The following PDE1A variants were observed in gnomAD, a reference collection of about 807,000 sequenced individuals.
PDE1A encodes phosphodiesterase 1A, also known as dual specificity calcium/calmodulin-dependent 3',5'-cyclic nucleotide phosphodiesterase 1A.
A neutral mutation model predicts 61.7 loss-of-function variants in PDE1A; 35 were observed. That is an observed-to-expected ratio of 0.57 (90% confidence interval 0.43 to 0.75). The LOEUF is 0.75. PDE1A is among the 30% of genes least tolerant of loss of function. The pLI, the probability that PDE1A is intolerant of heterozygous loss-of-function variation, is 0.00. For missense variants in PDE1A, 597 were observed against 630.6 expected, an observed-to-expected ratio of 0.95 and a Z score of 0.57; for synonymous variants, 232 against 213.2, an observed-to-expected ratio of 1.09 and a Z score of -0.77.
At chr2:182,456,448 T>A (rs183308646) in intron 2 of PDE1A, among the ~76,000 whole-genome samples, 37 of 152,232 alleles carry the variant, frequency 2.4e-4, no homozygotes, top group African/African-American at 8.7e-4. Flanking sequence ...AACTTACCCA[T>A]ATAAATTTTT....
chr2:182,502,064 TCCTC>T (rs1389659385), intron 2 of PDE1A, among the ~76,000 whole-genome samples: 1 of 152,152 alleles, frequency 6.6e-6, no homozygotes, highest in Non-Finnish European at 1.5e-5. Flanking sequence ...CCACCTCCTG[TCCTC>T]AGCCACACTC....
chr2:182,577,442 G>A, the PDE1A span, among the ~76,000 whole-genome samples: 102 of 152,258 alleles, frequency 6.7e-4, no homozygotes, highest in African/African-American at 2.3e-3. Context: ...GGCAAAGCTC[G>A]GACAGCCAGA....
the PDE1A span, among the ~76,000 whole-genome samples, chr2:182,707,795 A>T: frequency 6.6e-6 from 1 of 152,154 alleles, no homozygotes; most frequent in Non-Finnish European, 1.5e-5. Context: ...CATTACCCCC[A>T]TATCAAAAGT....
At chr2:182,418,488 A>G (rs954577332) in intron 1 of PDE1A, among the ~76,000 whole-genome samples, 15 of 152,076 alleles carry the variant, frequency 9.9e-5, no homozygotes, top group South Asian at 6.2e-4. Context: ...ATTCATATAT[A>G]TTTTTTTCCT....
the PDE1A span, among the ~76,000 whole-genome samples, chr2:182,585,641 T>C: frequency 1.3e-5 from 2 of 152,170 alleles, no homozygotes; most frequent in East Asian, 3.8e-4. Context: ...CAAGAACAGA[T>C]AATAACACAA....
the PDE1A span, among the ~76,000 whole-genome samples, chr2:182,542,274 C>T: frequency 1.3e-5 from 2 of 152,046 alleles, no homozygotes; most frequent in South Asian, 2.1e-4. Context: ...TTCTAAACTA[C>T]GCTCAATTTC....
At chr2:182,162,295 T>C (rs1691426749) in intron 13 of PDE1A, among the ~76,000 whole-genome samples, 1 of 152,154 alleles carries the variant, frequency 6.6e-6, no homozygotes, top group Non-Finnish European at 1.5e-5. Flanking sequence ...GCGTAGTTAC[T>C]GGAATTAACA....
chr2:182,230,482 AT>A (rs1055050706), intron 5 of PDE1A, among the ~76,000 whole-genome samples: 12 of 152,120 alleles, frequency 7.9e-5, no homozygotes, highest in African/African-American at 2.7e-4. Context: ...TAGTTTTTCT[AT>A]CTTAATACAA....
the PDE1A span, among the ~76,000 whole-genome samples, chr2:182,544,680 T>C: frequency 6.6e-6 from 1 of 152,194 alleles, no homozygotes; most frequent in African/African-American, 2.4e-5. Flanking sequence ...CCCATTAAAA[T>C]GTAGTATGCA....
chr2:182,583,375 T>C, the PDE1A span, among the ~76,000 whole-genome samples: 12,810 of 152,290 alleles, frequency 0.084, 1,733 homozygotes, highest in African/African-American at 0.29. Flanking sequence ...ACTATTTATC[T>C]GAAACATCTG....
rs146585406 is a variant in PDE1A at position 182,243,290 on chromosome 2, T to C, written c.168-2998A>G. 8.5e-3 allele frequency among the ~76,000 whole-genome samples: 1,301 copies of C among 152,276 alleles called. 15 individuals carry two copies. Among genetic ancestry groups the C allele is most frequent in the South Asian group, 0.05 (243 of 4,826 alleles). On this transcript the variant is annotated intron_variant, in intron 2 of 13. Transcript: ENST00000351439. ...AGAAAGACTAAAAATAAAATAAGAA[T>C]TATGATATAAGGTTAATTATGAGAG...
the PDE1A span, among the ~76,000 whole-genome samples, chr2:182,566,322 G>C: frequency 6.6e-6 from 1 of 151,628 alleles, no homozygotes; most frequent in African/African-American, 2.4e-5. Context: ...TTCTAATACT[G>C]TAATTTTTAA....
chr2:182,309,083 T>C (rs777412565), intron 1 of PDE1A, among the ~76,000 whole-genome samples: 4 of 151,646 alleles, frequency 2.6e-5, no homozygotes, highest in Non-Finnish European at 5.9e-5. Context: ...AGTTTGCAAA[T>C]TAACCTAAGA....
chr2:182,632,519 C>G, the PDE1A span, among the ~76,000 whole-genome samples: 1 of 151,948 alleles, frequency 6.6e-6, no homozygotes, highest in African/African-American at 2.4e-5. Context: ...TCTCCCTTAG[C>G]AAGAAGATAG....
At chr2:182,569,330 C>G in the PDE1A span, among the ~76,000 whole-genome samples, 2 of 151,600 alleles carry the variant, frequency 1.3e-5, no homozygotes, top group Middle Eastern at 3.4e-3. Flanking sequence ...AACATTAGCT[C>G]TGACCTACAA....
intron 7 of PDE1A, among the ~76,000 whole-genome samples, chr2:182,212,276 TAC>T (rs1184388678): frequency 4.6e-5 from 7 of 151,256 alleles, no homozygotes; most frequent in Non-Finnish European, 5.9e-5. Flanking sequence ...TATATATATA[TAC>T]ACACACACAC....
intron 2 of PDE1A, among the ~76,000 whole-genome samples, chr2:182,252,097 T>A (rs1366607651): frequency 6.6e-6 from 1 of 152,186 alleles, no homozygotes; most frequent in Admixed American, 6.5e-5. Context: ...TTCACAAATA[T>A]TTGTTGAATA....
intron 1 of PDE1A, among the ~76,000 whole-genome samples, chr2:182,271,120 T>C (rs1041628785): frequency 1.3e-5 from 2 of 151,488 alleles, no homozygotes; most frequent in African/African-American, 2.4e-5. Flanking sequence ...AGGACTACAC[T>C]TAATAATATT....
At chr2:182,472,867 GAGA>G (rs1370547180) in intron 2 of PDE1A, among the ~76,000 whole-genome samples, 2 of 151,638 alleles carry the variant, frequency 1.3e-5, no homozygotes, top group African/African-American at 4.8e-5. Flanking sequence ...TTTAGAGCCG[GAGA>G]AGAACTTCTT....
Sources: gnomAD v4.1 joint callset for allele counts (sites outside exome capture counted in the v4.1 genomes callset) on GRCh38, gnomAD v4.1.1 for gene constraint, MANE v1.5 for transcripts, NCBI Gene and HGNC (gene_info 2026-07-23, HGNC 2026-07-21) for gene names.